Variants in NRG1 observed in about 807,000 individuals in gnomAD.
NRG1 encodes the protein neuregulin 1, also known as pro-neuregulin-1, membrane-bound isoform.
NRG1 carries 18 observed loss-of-function variants against 63.8 expected under a neutral mutation model. That is an observed-to-expected ratio of 0.28 (90% confidence interval 0.19 to 0.42). The LOEUF is 0.42. Among genes scored for constraint, NRG1 ranks in the 10% least tolerant of loss-of-function variants. NRG1 has a pLI of 1.00. For synonymous variants in NRG1, 302 were observed against 301.3 expected (o/e 1.00, Z -0.02); for missense variants, 762 against 814.7 (o/e 0.94, Z 0.79).
intron 5 of NRG1, among the ~76,000 whole-genome samples, chr8:32,684,041 A>C (rs545618199): frequency 6.6e-6 from 1 of 152,230 alleles, no homozygotes; most frequent in African/African-American, 2.4e-5. Context: ...CTATAAATAC[A>C]AAAAAACTAG....
At chr8:32,559,083 GAAAAA>G (rs35947086) in intron 1 of NRG1, among the ~76,000 whole-genome samples, 2 of 86,796 alleles carry the variant, frequency 2.3e-5, no homozygotes, top group African/African-American at 4.7e-5. Flanking sequence ...TTGTCTCAGC[GAAAAA>G]AAAAAAAAAA....
intron 1 of NRG1, among the ~76,000 whole-genome samples, chr8:31,860,765 T>A (rs920767976): frequency 2.6e-5 from 4 of 152,106 alleles, no homozygotes; most frequent in African/African-American, 9.7e-5. Context: ...TATTTTTCCC[T>A]CCTCCATTCA....
At chr8:31,768,952 A>C (rs967011263) in intron 1 of NRG1, among the ~76,000 whole-genome samples, 1 of 152,164 alleles carries the variant, frequency 6.6e-6, no homozygotes, top group African/African-American at 2.4e-5. Context: ...CTAACCATGG[A>C]GTATCTCATA....
chr8:32,644,298 G>T (rs1235020529), intron 5 of NRG1, among the ~76,000 whole-genome samples: 2 of 152,168 alleles, frequency 1.3e-5, no homozygotes, highest in Non-Finnish European at 2.9e-5. Context: ...CTTTACTGGG[G>T]TGGAGCTTAA....
intron 1 of NRG1, among the ~76,000 whole-genome samples, chr8:32,242,234 G>A (rs1848171582): frequency 6.6e-6 from 1 of 152,138 alleles, no homozygotes. Flanking sequence ...CCAGCACTTT[G>A]GGAGGCCAAG....
In NRG1 at chr8:31,911,866, G is replaced by C. The variant is rs1386547881; in HGVS notation, c.37+272435G>C. 2.0e-5 allele frequency among the ~76,000 whole-genome samples: 3 copies of C among 152,170 alleles called. No homozygotes were observed. The East Asian group carries it at 5.8e-4, about 29-fold the overall frequency. ...TCTTGATTTGTGAAGATTTCTTTTA[G>C]AGTTCAGTAATGGATCTGTGACATC... On this transcript the variant is annotated intron_variant, in intron 1 of 10. Coordinates refer to the NRG1 transcript ENST00000519301.
chr8:31,946,173 C>T (rs530790896), intron 1 of NRG1, among the ~76,000 whole-genome samples: 1 of 152,198 alleles, frequency 6.6e-6, no homozygotes, highest in Non-Finnish European at 1.5e-5. Context: ...ATTTGTCTGA[C>T]AGCATTTTTC....
chr8:32,069,693 C>G lies in NRG1; in HGVS notation c.37+430262C>G, dbSNP rs957065485. ...TTGTGACCCTGAGACTAGCATCAACCCATGATAGAACCCAAGGGTGCAGAA... is the reference window on the plus strand; with the variant it reads ...TTGTGACCCTGAGACTAGCATCAACGCATGATAGAACCCAAGGGTGCAGAA... On this transcript the variant is annotated intron_variant, in intron 1 of 10. Transcript: ENST00000519301. Among the ~76,000 whole-genome samples the G allele has an allele frequency of 2.6e-5, 4 of 152,074 alleles. No individual in the cohort carries two copies. In the East Asian group the frequency reaches 7.7e-4, roughly 29 times the overall value.
intron 1 of NRG1, among the ~76,000 whole-genome samples, chr8:32,322,327 A>G (rs1801493110): frequency 6.6e-6 from 1 of 150,852 alleles, no homozygotes; most frequent in Admixed American, 6.6e-5. Context: ...CTAAATAACG[A>G]TAAACCTTAT....
chr8:32,047,652 A>C (rs1000329860), intron 1 of NRG1, among the ~76,000 whole-genome samples: 2 of 152,024 alleles, frequency 1.3e-5, no homozygotes, highest in Non-Finnish European at 2.9e-5. Context: ...TAATTGACAA[A>C]ATAAATTTTA....
chr8:32,589,046 C>T (rs1020166536), intron 1 of NRG1, among the ~76,000 whole-genome samples: 2 of 152,178 alleles, frequency 1.3e-5, no homozygotes, highest in African/African-American at 2.4e-5. Context: ...CCAACATCAC[C>T]CACTGCGTCA....
At chr8:31,670,630 A>G (rs577812959) in intron 1 of NRG1, among the ~76,000 whole-genome samples, 1 of 152,140 alleles carries the variant, frequency 6.6e-6, no homozygotes, top group African/African-American at 2.4e-5. Flanking sequence ...AGGGATCATA[A>G]GTGGTTTCAT....
chr8:32,210,985 C>T (rs1449601114), intron 1 of NRG1, among the ~76,000 whole-genome samples: 1 of 152,104 alleles, frequency 6.6e-6, no homozygotes, highest in Non-Finnish European at 1.5e-5. Flanking sequence ...CTTGGTTGCT[C>T]ACAATATTAA....
chr8:32,511,579 A>T (rs1207616684), intron 1 of NRG1, among the ~76,000 whole-genome samples: 2 of 151,752 alleles, frequency 1.3e-5, no homozygotes, highest in African/African-American at 4.8e-5. Flanking sequence ...TTATACTGAA[A>T]GTTAAAGAAG....
At chr8:31,795,087 G>A (rs1821076708) in intron 1 of NRG1, among the ~76,000 whole-genome samples, 1 of 152,178 alleles carries the variant, frequency 6.6e-6, no homozygotes, top group Non-Finnish European at 1.5e-5. Context: ...ACAGGTATGA[G>A]CCACGGTGCC....
chr8:31,828,316 TTG>T (rs1447564146), intron 1 of NRG1, among the ~76,000 whole-genome samples: 5 of 152,246 alleles, frequency 3.3e-5, no homozygotes, highest in Middle Eastern at 3.2e-3. Context: ...TTTTACTCTT[TTG>T]TCACCTGCTT....
intron 1 of NRG1, among the ~76,000 whole-genome samples, chr8:31,876,243 G>C (rs1473438): frequency 6.6e-6 from 1 of 151,910 alleles, no homozygotes; most frequent in Non-Finnish European, 1.5e-5. Context: ...CTGACCAGCT[G>C]TCTAAGCTTG....
At chr8:32,044,609 A>G (rs7840064) in intron 1 of NRG1, among the ~76,000 whole-genome samples, 3,225 of 151,888 alleles carry the variant, frequency 0.021, 89 homozygotes, top group African/African-American at 0.061. Context: ...CACACAAAAT[A>G]TGTTTTTTGT....
intron 5 of NRG1, among the ~76,000 whole-genome samples, chr8:32,721,322 G>A (rs1481543335): frequency 6.6e-6 from 1 of 152,184 alleles, no homozygotes; most frequent in Non-Finnish European, 1.5e-5. Context: ...AAGTTCATCA[G>A]TTAAACCAGT....
Sources: allele counts gnomAD v4.1 joint callset (sites outside exome capture counted in the v4.1 genomes callset), GRCh38; gene constraint gnomAD v4.1.1; transcripts MANE v1.5; gene names NCBI Gene and HGNC (gene_info 2026-07-23, HGNC 2026-07-21).